The following HERC1 variants were observed in gnomAD, a reference collection of about 807,000 sequenced individuals.
HERC1 encodes HECT and RLD domain containing E3 ubiquitin protein ligase family member 1.
A neutral mutation model predicts 554.3 loss-of-function variants in HERC1; 160 were observed. That is an observed-to-expected ratio of 0.29 (90% confidence interval 0.25 to 0.33). The LOEUF is 0.33. HERC1 is among the 10% of genes least tolerant of loss of function. The probability of loss-of-function intolerance (pLI) is 1.00; values close to 1 mark genes in which losing one functional copy is unlikely to be tolerated. For synonymous variants in HERC1, 2,175 were observed against 2,131.7 expected, an observed-to-expected ratio of 1.02 and a Z score of -0.56; for missense variants, 4,919 against 5,918.5, an observed-to-expected ratio of 0.83 and a Z score of 5.54.
chr15:63,815,809 A>C (rs1392271170), intron 1 of HERC1, among the ~76,000 whole-genome samples: 2 of 152,200 alleles, frequency 1.3e-5, no homozygotes, highest in African/African-American at 4.8e-5. Context: ...ATTGCCTCAC[A>C]GTTCCACAGG....
intron 64 of HERC1, 105 bp from the exon 65 acceptor site, chr15:63,636,247 C>A: frequency 3.5e-6 from 3 of 854,796 alleles, no homozygotes; most frequent in Non-Finnish European, 3.6e-6. Flanking sequence ...CGAATTGGTA[C>A]TATGAAAATA....
At chr15:63,673,903 T>G (rs1273771329) in intron 38 of HERC1, among the ~76,000 whole-genome samples, 1 of 152,180 alleles carries the variant, frequency 6.6e-6, no homozygotes, top group Non-Finnish European at 1.5e-5. Flanking sequence ...TTTTGTATTT[T>G]TAGTAGAGAC....
At position 63,816,358 on chromosome 15, in the gene HERC1, T is replaced by C. The variant is rs80248301; in HGVS notation, c.-27+17469A>G. On this transcript the variant is annotated intron_variant, in intron 1 of 77. Coordinates refer to ENST00000443617, the MANE Select transcript of HERC1 (RefSeq NM_003922.4). ...GGGAAATGCTGCTGCTCCAGTTCTT[T>C]GACAGCTTTTAATAAAAATATGCTG... Among the ~76,000 whole-genome samples the C allele has an allele frequency of 5.6e-3, 850 of 152,360 alleles. 13 individuals are homozygous for C. The highest frequency in any genetic ancestry group is 0.02 in the African/African-American group (820 of 41,588).
intron 48 of HERC1, among the ~76,000 whole-genome samples, chr15:63,656,874 T>C (rs1038525908): frequency 7.9e-5 from 12 of 152,246 alleles, no homozygotes; most frequent in Non-Finnish European, 1.5e-4. Flanking sequence ...CCAAATCTTG[T>C]AGCATTGAGC....
intron 77 of HERC1, among the ~76,000 whole-genome samples, chr15:63,610,444 G>C (rs2067535066): frequency 6.6e-6 from 1 of 152,232 alleles, no homozygotes; most frequent in Non-Finnish European, 1.5e-5. Context: ...GAGATTAGTG[G>C]TGGATTAACT....
intron 52 of HERC1, among the ~76,000 whole-genome samples, chr15:63,652,155 T>C (rs1052647915): frequency 6.6e-6 from 1 of 152,260 alleles, no homozygotes; most frequent in Non-Finnish European, 1.5e-5. Flanking sequence ...CAAATTAGCC[T>C]ACTGTTTTAC....
At chr15:63,816,638 AT>A (rs1310778290) in intron 1 of HERC1, among the ~76,000 whole-genome samples, 2 of 152,208 alleles carry the variant, frequency 1.3e-5, no homozygotes, top group Non-Finnish European at 2.9e-5. Context: ...AATAAAGTGT[AT>A]TTATTCAACA....
intron 1 of HERC1, among the ~76,000 whole-genome samples, chr15:63,833,620 G>A (rs897724702): frequency 2.6e-5 from 4 of 151,918 alleles, no homozygotes; most frequent in Non-Finnish European, 5.9e-5. Context: ...GGACCCGGGG[G>A]ATCCGCGGCG....
At chr15:63,790,274 G>A (rs191404108) in intron 1 of HERC1, among the ~76,000 whole-genome samples, 113 of 152,244 alleles carry the variant, frequency 7.4e-4, no homozygotes, top group African/African-American at 2.0e-3. Flanking sequence ...TAGAAATGGA[G>A]ATGTATGTAA....
At chr15:63,699,219 T>C (rs1371378121) in intron 25 of HERC1, among the ~76,000 whole-genome samples, 1 of 152,196 alleles carries the variant, frequency 6.6e-6, no homozygotes, top group African/African-American at 2.4e-5. Context: ...AAGCCCTGTT[T>C]GATGTACCAG....
In HERC1 at chr15:63,696,131, T is replaced by G. The variant is rs2072400359; in HGVS notation, c.5114A>C (p.His1705Pro). The G allele has an allele frequency of 6.2e-7, 1 of 1,610,920 alleles. No individual in the cohort carries two copies. Among genetic ancestry groups the G allele is most frequent in the Non-Finnish European group, 8.5e-7 (1 of 1,177,722 alleles). ...GGKGESGRLH[H>P]YQDGIRAAKR... ...CTGCAAGGTGTCACCTACCTGATAG[T>G]GATGCAATCGGCCACTCTCTCCCTT... Residue 1705 changes from histidine to proline, a missense_variant, in exon 27 of 78, where the codon CAC becomes CCC. His to Pro is a moderately conservative substitution (Grantham distance 77). This residue lies in a region of HERC1 where 1,121 missense variants were observed against 1,244.0 expected (regional missense o/e 0.90). Coordinates refer to ENST00000443617, the MANE Select transcript of HERC1 (RefSeq NM_003922.4).
chr15:63,793,469 T>C (rs1219875327), intron 1 of HERC1, among the ~76,000 whole-genome samples: 4 of 152,134 alleles, frequency 2.6e-5, no homozygotes, highest in African/African-American at 9.7e-5. Flanking sequence ...AGTTACCCTA[T>C]ATGGTCTAAA....
chr15:63,668,436 T>C (rs1361214972), intron 40 of HERC1, among the ~76,000 whole-genome samples: 1 of 152,156 alleles, frequency 6.6e-6, no homozygotes, highest in East Asian at 1.9e-4. Flanking sequence ...GAGGCTACAG[T>C]GACCCAAGGT....
chr15:63,826,784 T>TAAAAAAAAAA (rs71456333), intron 1 of HERC1, among the ~76,000 whole-genome samples: 1 of 37,098 alleles, frequency 2.7e-5, no homozygotes, highest in African/African-American at 8.7e-5. Flanking sequence ...TTATCTCTGG[T>TAAAAAAAAAA]AAAAAAAAAA....
intron 34 of HERC1, among the ~76,000 whole-genome samples, chr15:63,684,467 T>C (rs1055317442): frequency 5.9e-5 from 9 of 152,354 alleles, no homozygotes; most frequent in African/African-American, 1.9e-4. Flanking sequence ...TGTATGCAAA[T>C]GTTTTTGTGT....
At chr15:63,755,506 C>T (rs564619121) in intron 5 of HERC1, among the ~76,000 whole-genome samples, 181 bp from the exon 6 acceptor site, 1 of 152,304 alleles carries the variant, frequency 6.6e-6, no homozygotes, top group South Asian at 2.1e-4. Flanking sequence ...CAAGTAAGTG[C>T]TGAAATACAT....
chr15:63,807,121 T>C lies in HERC1; in HGVS notation c.-27+26706A>G, dbSNP rs142980230. On this transcript the variant is annotated intron_variant, in intron 1 of 77. Coordinates refer to ENST00000443617, the MANE Select transcript of HERC1 (RefSeq NM_003922.4). ...GAGCATTTTCATTATAACACTACCC[T>C]ACTTTATAAATTTGCAATAATTTAA... Among the ~76,000 whole-genome samples the C allele has an allele frequency of 1.4e-4, 21 of 152,324 alleles. No homozygotes were observed. In the Middle Eastern group the frequency reaches 0.01, roughly 74 times the overall value.
chr15:63,667,774 G>A (rs1566990704), intron 40 of HERC1, among the ~76,000 whole-genome samples: 2 of 152,166 alleles, frequency 1.3e-5, no homozygotes, highest in Non-Finnish European at 2.9e-5. Context: ...ACGAAGTACA[G>A]TTGACTCTTG....
intron 1 of HERC1, among the ~76,000 whole-genome samples, chr15:63,820,833 CAGG>C (rs1254255877): frequency 6.6e-6 from 1 of 152,068 alleles, no homozygotes; most frequent in Non-Finnish European, 1.5e-5. Flanking sequence ...GACTTTAAAT[CAGG>C]AGTTTAGGGT....
Sources: gnomAD v4.1 joint callset for allele counts (sites outside exome capture counted in the v4.1 genomes callset) on GRCh38, gnomAD v4.1.1 for gene constraint, gnomAD v4.1.1 regional missense constraint, MANE v1.5 for transcripts, NCBI Gene and HGNC (gene_info 2026-07-23, HGNC 2026-07-21) for gene names.